The following KCNU1 variants were observed in gnomAD, a reference collection of about 807,000 sequenced individuals.
The protein encoded by KCNU1 is potassium channel subfamily U member 1.
KCNU1 carries 93 observed loss-of-function variants against 126.8 expected under a neutral mutation model. That is an observed-to-expected ratio of 0.73 (90% CI 0.62 to 0.87). The LOEUF is 0.87. Ranked by LOEUF, KCNU1 falls within the 40% of genes least tolerant of loss-of-function variation. The probability of loss-of-function intolerance (pLI) is 0.00; values close to 1 mark genes in which losing one functional copy is unlikely to be tolerated. For synonymous variants in KCNU1, 523 were observed against 494.2 expected (o/e 1.06, Z -0.77); for missense variants, 1,330 against 1,367.1 (o/e 0.97, Z 0.43).
intron 18 of KCNU1, among the ~76,000 whole-genome samples, chr8:36,863,500 G>C (rs948913129): frequency 1.3e-5 from 2 of 152,156 alleles, no homozygotes; most frequent in African/African-American, 4.8e-5. Flanking sequence ...TCAGGTTCTG[G>C]CAAGCGGATC....
At chr8:36,916,579 G>T (rs1487439382) in intron 22 of KCNU1, among the ~76,000 whole-genome samples, 1 of 152,150 alleles carries the variant, frequency 6.6e-6, no homozygotes, top group Non-Finnish European at 1.5e-5. Context: ...CTGCATTATG[G>T]AAATTTCAGA....
At chr8:36,825,473 T>G (rs538829478) in intron 10 of KCNU1, among the ~76,000 whole-genome samples, 1 of 152,294 alleles carries the variant, frequency 6.6e-6, no homozygotes, top group African/African-American at 2.4e-5. Context: ...CATTTAACCT[T>G]TTGTTCTATT....
intron 2 of KCNU1, among the ~76,000 whole-genome samples, chr8:36,798,105 A>T (rs1169223792): frequency 2.7e-5 from 4 of 150,380 alleles, no homozygotes; most frequent in Non-Finnish European, 4.4e-5. Flanking sequence ...TCTTGTTTCC[A>T]TTTTTTTTTC....
intron 10 of KCNU1, among the ~76,000 whole-genome samples, chr8:36,819,694 A>G (rs1309035001): frequency 6.6e-6 from 1 of 152,058 alleles, no homozygotes; most frequent in Non-Finnish European, 1.5e-5. Flanking sequence ...CATTCTATCT[A>G]AATTGGTGTC....
chr8:36,860,648 T>C (rs1045494226), intron 18 of KCNU1, among the ~76,000 whole-genome samples: 1 of 152,146 alleles, frequency 6.6e-6, no homozygotes, highest in African/African-American at 2.4e-5. Flanking sequence ...GAATGGGCAA[T>C]ATGAAAATAG....
At chr8:36,784,705 G>T (rs1701481011) in intron 1 of KCNU1, 100 bp downstream of exon 1, 5 of 963,244 alleles carry the variant, frequency 5.2e-6, no homozygotes, top group Non-Finnish European at 7.6e-6. Flanking sequence ...AGTTTTTCAA[G>T]CTAACAGAGT....
intron 24 of KCNU1, among the ~76,000 whole-genome samples, chr8:36,929,787 G>A (rs1453123716): frequency 3.3e-5 from 5 of 152,126 alleles, no homozygotes; most frequent in South Asian, 2.1e-4. Flanking sequence ...TGAAGGCCAC[G>A]GTGGAGACAG....
At chr8:36,894,104 T>G (rs1292821509) in intron 19 of KCNU1, among the ~76,000 whole-genome samples, 2 of 152,150 alleles carry the variant, frequency 1.3e-5, no homozygotes, top group Admixed American at 1.3e-4. Context: ...AAATGCTATT[T>G]TAAAATGATG....
chr8:36,876,928 A>G (rs570324807), intron 19 of KCNU1, among the ~76,000 whole-genome samples: 80 of 152,292 alleles, frequency 5.3e-4, no homozygotes, highest in African/African-American at 1.9e-3. Context: ...ACTGAAGCAG[A>G]AAGGAGATGA....
chr8:36,789,616 C>A (rs1026586152), intron 2 of KCNU1, among the ~76,000 whole-genome samples: 1 of 151,834 alleles, frequency 6.6e-6, no homozygotes, highest in Non-Finnish European at 1.5e-5. Context: ...GGGGTAGATA[C>A]GAAAATTACA....
Position 36,814,369 on chromosome 8 carries a change from G to T in KCNU1, c.895G>T (p.Gly299Trp). Residue 299 changes from glycine to tryptophan, a missense_variant, in exon 8 of 27, where the codon GGG becomes TGG. By Grantham distance (184) the Gly-to-Trp change is radical. Coordinates refer to ENST00000399881, the MANE Select transcript of KCNU1 (RefSeq NM_001031836.3). ...GRTFIMFFTL[G>W]SLILFANYIP... ...GACCTTCATCATGTTCTTCACACTG[G>T]GGAGTTTGGTGAAGAATATTTTTAA... is the stretch of plus-strand genomic sequence containing the variant. 1 of 1,606,512 alleles carries T rather than the reference G, an allele frequency of 6.2e-7. No homozygotes were observed. The highest frequency in any genetic ancestry group is 8.5e-7 in the Non-Finnish European group (1 of 1,175,034).
At chr8:36,831,945 T>C (rs1222486279) in intron 10 of KCNU1, among the ~76,000 whole-genome samples, 1 of 152,254 alleles carries the variant, frequency 6.6e-6, no homozygotes, top group Admixed American at 6.5e-5. Context: ...GTATAATGTG[T>C]GAGGAAGGGA....
chr8:36,868,360 A>G (rs559109838), intron 19 of KCNU1, among the ~76,000 whole-genome samples: 2 of 152,226 alleles, frequency 1.3e-5, no homozygotes, highest in African/African-American at 4.8e-5. Context: ...CTTAATAGAG[A>G]CTAGTAGGCA....
At chr8:36,918,423 C>G (rs1808205633) in intron 22 of KCNU1, among the ~76,000 whole-genome samples, 1 of 151,420 alleles carries the variant, frequency 6.6e-6, no homozygotes, top group African/African-American at 2.4e-5. Flanking sequence ...GGTATGGAGG[C>G]ATGTGCCAGA....
At chr8:36,876,590 T>C (rs545969276) in intron 19 of KCNU1, among the ~76,000 whole-genome samples, 20 of 152,298 alleles carry the variant, frequency 1.3e-4, no homozygotes, top group Admixed American at 1.1e-3. Context: ...TGAGGTGCTC[T>C]GTCACCAGAC....
chr8:36,855,327 T>A (rs1230352686), intron 18 of KCNU1, among the ~76,000 whole-genome samples: 1 of 152,126 alleles, frequency 6.6e-6, no homozygotes, highest in East Asian at 1.9e-4. Flanking sequence ...GTGACGTTAA[T>A]ATATTTGATA....
At chr8:36,896,247 T>G (rs1173717510) in intron 19 of KCNU1, among the ~76,000 whole-genome samples, 3 of 152,026 alleles carry the variant, frequency 2.0e-5, no homozygotes, top group African/African-American at 7.2e-5. Flanking sequence ...CGATTTAGCC[T>G]CTTGGCCTGA....
At chr8:36,914,091 CCT>C (rs1305420759) in intron 22 of KCNU1, among the ~76,000 whole-genome samples, 1 of 152,128 alleles carries the variant, frequency 6.6e-6, no homozygotes, top group East Asian at 1.9e-4. Flanking sequence ...TAATAATACT[CCT>C]CTTCCACCAA....
intron 2 of KCNU1, among the ~76,000 whole-genome samples, chr8:36,793,996 A>G (rs554319315): frequency 6.7e-6 from 1 of 148,954 alleles, no homozygotes; most frequent in South Asian, 2.2e-4. Flanking sequence ...AGAGGTTGCA[A>G]TGAGCTGAGA....
Sources: allele counts gnomAD v4.1 joint callset (sites outside exome capture counted in the v4.1 genomes callset), GRCh38; gene constraint gnomAD v4.1.1; transcripts MANE v1.5; gene names NCBI Gene and HGNC (gene_info 2026-07-23, HGNC 2026-07-21).